Variants in THRAP3 observed in about 807,000 individuals in gnomAD.
THRAP3 encodes thyroid hormone receptor associated protein 3, also known as thyroid hormone receptor-associated protein 3.
In THRAP3, 16 loss-of-function variants were observed where a neutral mutation model predicts 101.0. The ratio of observed to expected loss-of-function variants is 0.16; its 90% confidence interval spans 0.11 to 0.24. The LOEUF is 0.24. THRAP3 is among the 10% of genes least tolerant of loss of function. THRAP3 has a pLI of 1.00. For synonymous variants in THRAP3, 407 were observed against 422.6 expected (o/e 0.96, Z 0.45); for missense variants, 989 against 1,202.7 (o/e 0.82, Z 2.63).
intron 9 of THRAP3, among the ~76,000 whole-genome samples, chr1:36,298,461 C>G (rs1478391188): frequency 6.6e-6 from 1 of 152,082 alleles, no homozygotes; most frequent in Non-Finnish European, 1.5e-5. Context: ...TTGAACAAGT[C>G]CCCTGCAAAC....
chr1:36,290,493 T>C (rs867441636), intron 5 of THRAP3, among the ~76,000 whole-genome samples: 1 of 151,878 alleles, frequency 6.6e-6, no homozygotes. Context: ...CAGCCCAGAA[T>C]CTCTCTCTGT....
At chr1:36,227,533 C>T (rs536386040) in intron 1 of THRAP3, among the ~76,000 whole-genome samples, 88 of 152,104 alleles carry the variant, frequency 5.8e-4, no homozygotes, top group Non-Finnish European at 9.9e-4. Flanking sequence ...CCGCCTGCCT[C>T]GGCCTCCCAA....
At chr1:36,247,897 T>G (rs1645250657) in intron 1 of THRAP3, among the ~76,000 whole-genome samples, 1 of 146,146 alleles carries the variant, frequency 6.8e-6, no homozygotes, top group African/African-American at 2.6e-5. Context: ...TTTTGGGAGA[T>G]GGAGTCTTGC....
At position 36,254,979 on chromosome 1, in the gene THRAP3, A is replaced by G. The variant is rs1347760543; in HGVS notation, c.-134-4403A>G. ...TAGTAATTTCACCAGTCTTGGATCA[A>G]TCTTGGTTTCCACTGATACCATGAA... On this transcript the variant is annotated intron_variant, in intron 1 of 11. Coordinates refer to ENST00000354618, the MANE Select transcript of THRAP3 (RefSeq NM_005119.4). Among the ~76,000 whole-genome samples the G allele has an allele frequency of 4.6e-5, 7 of 152,128 alleles. No homozygotes were observed. The East Asian group carries it at 1.2e-3, about 25-fold the overall frequency.
At chr1:36,227,440 G>A (rs796722249) in intron 1 of THRAP3, among the ~76,000 whole-genome samples, 8 of 151,756 alleles carry the variant, frequency 5.3e-5, no homozygotes, top group African/African-American at 1.2e-4. Context: ...GTGCCACCAC[G>A]CCTGGCTAAT....
chr1:36,262,287 A>G (rs1423076468), intron 2 of THRAP3, among the ~76,000 whole-genome samples: 1 of 152,222 alleles, frequency 6.6e-6, no homozygotes, highest in Non-Finnish European at 1.5e-5. Flanking sequence ...CTGAGTCTAC[A>G]TATGTATTGG....
Position 36,291,438 on chromosome 1 carries a change from G to C in THRAP3, c.1810G>C (p.Glu604Gln), listed in dbSNP as rs754099412. The C allele has an allele frequency of 1.2e-6, 2 of 1,614,206 alleles. No individual in the cohort carries two copies. Among genetic ancestry groups the C allele is most frequent in the Non-Finnish European group, 1.7e-6 (2 of 1,180,044 alleles). Reference protein sequence around the residue: ...CRDLVHSNKKEQEFRSIFQHI... With the variant: ...CRDLVHSNKKQQEFRSIFQHI... Reference sequence around the variant, plus strand: ...AGATCTAGTCCATAGCAACAAAAAGGAACAGGAGTTTCGTTCCATTTTCCA... The same window carrying C: ...AGATCTAGTCCATAGCAACAAAAAGCAACAGGAGTTTCGTTCCATTTTCCA... Residue 604 changes from glutamate (E) to glutamine (Q), a missense_variant, in exon 6 of 12, where the codon GAA (glutamate) becomes CAA (glutamine). Transcript: ENST00000354618.
intron 2 of THRAP3, 39 bp downstream of exon 2, chr1:36,259,523 A>G (rs1645416948): frequency 2.5e-6 from 1 of 398,344 alleles, no homozygotes; most frequent in Non-Finnish European, 4.4e-6. Context: ...TAACTTCACT[A>G]ATTTGTAAAA....
At chr1:36,218,047 T>C in the THRAP3 span, among the ~76,000 whole-genome samples, 534 of 152,192 alleles carry the variant, frequency 3.5e-3, 4 homozygotes, top group African/African-American at 0.012. Context: ...ATTAGCCAAG[T>C]TGTGAACGCA....
chr1:36,270,973 T>C (rs1267610129), intron 2 of THRAP3, among the ~76,000 whole-genome samples: 1 of 152,170 alleles, frequency 6.6e-6, no homozygotes, highest in African/African-American at 2.4e-5. Flanking sequence ...TAACTTTTTT[T>C]TTAGAATAAT....
intron 9 of THRAP3, among the ~76,000 whole-genome samples, chr1:36,298,116 C>T (rs1645976855): frequency 7.2e-6 from 1 of 138,276 alleles, no homozygotes; most frequent in East Asian, 2.2e-4. Flanking sequence ...CACTGCATTC[C>T]AGCCTAGGCG....
At chr1:36,240,837 T>TA (rs2124398718) in intron 1 of THRAP3, among the ~76,000 whole-genome samples, 1 of 152,332 alleles carries the variant, frequency 6.6e-6, no homozygotes, top group East Asian at 1.9e-4. Flanking sequence ...ACCTGCTACT[T>TA]TAAACAATTT....
At position 36,292,256 on chromosome 1, in the gene THRAP3, CTTTGTTTCTTTTTT is replaced by C. The variant is rs767365610; in HGVS notation, c.1919-338_1919-325del. Among the ~76,000 whole-genome samples, 527 of 54,528 alleles carry C rather than the reference CTTTGTTTCTTTTTT, an allele frequency of 9.7e-3. 6 individuals are homozygous for C. The highest frequency in any genetic ancestry group is 0.038 in the East Asian group (42 of 1,100). The allele number at this position is 54,528 out of a possible 152,430, so 35.8% of individuals were successfully genotyped here. ...CTGCCTTTGGTAACATAATGTGTTT[CTTTGTTTCTTTTTT>C]TTTTTTTTTTTTTTTTTTTGAGACG... is the stretch of plus-strand genomic sequence containing the variant. On this transcript the variant is annotated intron_variant, in intron 6 of 11. Transcript: ENST00000354618.
chr1:36,238,573 A>G (rs1645118250), intron 1 of THRAP3, among the ~76,000 whole-genome samples: 1 of 152,176 alleles, frequency 6.6e-6, no homozygotes, highest in African/African-American at 2.4e-5. Flanking sequence ...GGGCTATGGT[A>G]GGCAGATCTC....
chr1:36,227,255 A>G (rs1393041626), intron 1 of THRAP3, among the ~76,000 whole-genome samples: 2 of 152,098 alleles, frequency 1.3e-5, no homozygotes, highest in African/African-American at 2.4e-5. Flanking sequence ...TTTAATATGT[A>G]TAGACACATA....
intron 5 of THRAP3, 53 bp from the exon 6 acceptor site, chr1:36,291,321 T>C: frequency 6.5e-7 from 1 of 1,542,416 alleles, no homozygotes; most frequent in East Asian, 2.3e-5. Context: ...ATGGTTTTAA[T>C]GTTCTTCCTG....
At chr1:36,226,145 AAG>A (rs1348342984) in intron 1 of THRAP3, among the ~76,000 whole-genome samples, 1 of 152,210 alleles carries the variant, frequency 6.6e-6, no homozygotes, top group Non-Finnish European at 1.5e-5. Flanking sequence ...GGATTACAAA[AAG>A]AGTGATCTAT....
At position 36,241,428 on chromosome 1, in the gene THRAP3, T is replaced by TAC. The variant is rs1553192383; in HGVS notation, c.-135+16927_-135+16928dup. ...ATATATATATATATATATATATATA[T>TAC]ACACATATATAAATAAATATATATT... On this transcript the variant is annotated intron_variant, in intron 1 of 11. Transcript: ENST00000354618. Among the ~76,000 whole-genome samples, 334 of 137,616 alleles carry TAC rather than the reference T, an allele frequency of 2.4e-3. 5 individuals carry two copies. Among genetic ancestry groups the TAC allele is most frequent in the Middle Eastern group, 7.8e-3 (2 of 256 alleles). 90.3% of individuals were successfully genotyped at this position (137,616 alleles called of 152,430 possible). A position where few individuals can be genotyped will look rare whatever the true frequency, so the allele number is the denominator to read the frequency against.
At chr1:36,226,417 G>A (rs1644962984) in intron 1 of THRAP3, among the ~76,000 whole-genome samples, 1 of 152,078 alleles carries the variant, frequency 6.6e-6, no homozygotes, top group Admixed American at 6.6e-5. Flanking sequence ...GTGTCACCAC[G>A]CCTGGCTCAT....
Sources: gnomAD v4.1 joint callset for allele counts (sites outside exome capture counted in the v4.1 genomes callset) on GRCh38, gnomAD v4.1.1 for gene constraint, MANE v1.5 for transcripts, NCBI Gene and HGNC (gene_info 2026-07-23, HGNC 2026-07-21) for gene names.